Variants in LRRIQ1 observed in about 807,000 individuals in gnomAD.
The protein encoded by LRRIQ1 is leucine rich repeats and IQ motif containing 1.
A neutral mutation model predicts 211.9 loss-of-function variants in LRRIQ1; 210 were observed. The observed-to-expected ratio is 0.99, with a 90% CI of 0.89 to 1.11. The LOEUF (loss-of-function observed/expected upper bound fraction) is 1.11, where lower values mean the gene tolerates loss of function less well. Among genes scored for constraint, LRRIQ1 ranks in the 50% most tolerant of loss-of-function variants. The pLI, the probability that LRRIQ1 is intolerant of heterozygous loss-of-function variation, is 0.00. For missense variants in LRRIQ1, 2,136 were observed against 1,939.5 expected, an observed-to-expected ratio of 1.10 and a Z score of -1.90; for synonymous variants, 699 against 650.1, an observed-to-expected ratio of 1.08 and a Z score of -1.14.
Position 85,124,033 on chromosome 12 carries a change from T to C in LRRIQ1, c.3558-37T>C, listed in dbSNP as rs942475583. 2.0e-6 allele frequency: 3 copies of C among 1,483,082 alleles called. No individual in the cohort carries two copies. The Admixed American group carries it at 5.4e-5, about 27-fold the overall frequency. 91.9% of individuals were successfully genotyped at this position (1,483,082 alleles called of 1,614,324 possible). ...CACAAGTTTTAATATTTGCTGGTACTATTCTTATTAAATGTTCTCATCATT... is the reference window on the plus strand; with the variant it reads ...CACAAGTTTTAATATTTGCTGGTACCATTCTTATTAAATGTTCTCATCATT... On this transcript the variant is annotated intron_variant, in intron 16 of 26. Transcript: ENST00000393217.
At chr12:85,100,630 T>C (rs1431018732) in intron 13 of LRRIQ1, among the ~76,000 whole-genome samples, 1 of 151,736 alleles carries the variant, frequency 6.6e-6, no homozygotes, top group African/African-American at 2.4e-5. Flanking sequence ...ATATGTGATT[T>C]TGACATTTCA....
intron 19 of LRRIQ1, among the ~76,000 whole-genome samples, chr12:85,139,540 A>AT (rs1889370007): frequency 6.6e-6 from 1 of 151,416 alleles, no homozygotes; most frequent in Non-Finnish European, 1.5e-5. Flanking sequence ...ATTGTATGGT[A>AT]TTTTTCAGAA....
intron 24 of LRRIQ1, among the ~76,000 whole-genome samples, chr12:85,193,355 C>A (rs1273065383): frequency 1.6e-5 from 2 of 121,752 alleles, no homozygotes; most frequent in Non-Finnish European, 3.3e-5. Context: ...AGAGCAACTC[C>A]AAGACACATA....
At chr12:85,182,082 A>G (rs1326116068) in intron 24 of LRRIQ1, among the ~76,000 whole-genome samples, 2 of 152,120 alleles carry the variant, frequency 1.3e-5, no homozygotes, top group Non-Finnish European at 2.9e-5. Flanking sequence ...TTTATAATAC[A>G]AATCCCATTG....
At chr12:85,079,814 A>G (rs1448855064) in intron 11 of LRRIQ1, among the ~76,000 whole-genome samples, 2 of 150,932 alleles carry the variant, frequency 1.3e-5, no homozygotes. Flanking sequence ...AAATTATTTC[A>G]TTTTTTCCTC....
In LRRIQ1 at chr12:85,098,433, A is replaced by G. The variant is rs1886083413; in HGVS notation, c.2966A>G (p.Asp989Gly). ...TTAATTAATACAAAAGGTCTTTGTG[A>G]TACACCTACCATTGTATACCTAGAT... Reference protein sequence around the residue: ...NQLINTKGLCDTPTIVYLDCS... With the variant: ...NQLINTKGLCGTPTIVYLDCS... The change falls in exon 12 of 27, where the codon GAT becomes GGT. Residue 989 changes from aspartate (D) to glycine (G), a missense_variant. Asp to Gly is a moderately conservative substitution (Grantham distance 94). Transcript: ENST00000393217. The G allele has an allele frequency of 6.2e-7, 1 of 1,611,040 alleles. No homozygotes were observed. Among genetic ancestry groups the G allele is most frequent in the African/African-American group, 1.3e-5 (1 of 74,978 alleles).
intron 11 of LRRIQ1, among the ~76,000 whole-genome samples, chr12:85,095,897 A>G (rs1347804567): frequency 3.3e-5 from 5 of 152,028 alleles, no homozygotes; most frequent in African/African-American, 1.2e-4. Context: ...TGTGTTTCCA[A>G]GAATTTATCT....
intron 7 of LRRIQ1, among the ~76,000 whole-genome samples, chr12:85,054,222 C>T (rs376246233): frequency 2.0e-5 from 3 of 152,062 alleles, no homozygotes; most frequent in African/African-American, 7.2e-5. Flanking sequence ...CTTTCAAATG[C>T]GATACACAAT....
At chr12:85,183,034 T>G (rs1892060371) in intron 24 of LRRIQ1, among the ~76,000 whole-genome samples, 1 of 152,198 alleles carries the variant, frequency 6.6e-6, no homozygotes, top group Admixed American at 6.6e-5. Context: ...TACATAGTTT[T>G]AATGGCCTAG....
In LRRIQ1 at chr12:85,106,572, T is replaced by C. The variant is rs756811473; in HGVS notation, c.3334T>C (p.Leu1112=). ...WFDACYSLHE[L]SLTGNPLLQE... is the part of the protein sequence containing the mutation. ...TGATGCATGCTATTCTCTCCATGAATTGTCTCTTACTGGAAACCCACTTCT... is the reference window on the plus strand; with the variant it reads ...TGATGCATGCTATTCTCTCCATGAACTGTCTCTTACTGGAAACCCACTTCT... Residue 1112 remains leucine, a synonymous_variant, in exon 15 of 27, where the codon TTG becomes CTG. Transcript: ENST00000393217. 1.3e-4 allele frequency: 211 copies of C among 1,612,856 alleles called. No homozygotes were observed. Among genetic ancestry groups the C allele is most frequent in the Non-Finnish European group, 7.3e-5 (86 of 1,179,442 alleles).
chr12:85,198,056 A>ATTATAT lies in LRRIQ1; in HGVS notation c.4823-31460_4823-31459insTATATT, dbSNP rs1565898747. Among the ~76,000 whole-genome samples, 183 of 42,992 alleles carry ATTATAT rather than the reference A, an allele frequency of 4.3e-3. 2 individuals are homozygous for ATTATAT. In the African/African-American group the frequency reaches 0.064, roughly 15 times the overall value. The allele number at this position is 42,992 out of a possible 152,430, so 28.2% of individuals were successfully genotyped here. A position where few individuals can be genotyped will look rare whatever the true frequency, so the allele number is the denominator to read the frequency against. On this transcript the variant is annotated intron_variant, in intron 24 of 26. Transcript: ENST00000393217. ...AACATATATAATATATTATATAATT[A>ATTATAT]TATATAACATATTATTTATATATAA...
chr12:85,102,798 G>A (rs1592800188), intron 13 of LRRIQ1, among the ~76,000 whole-genome samples: 5 of 151,098 alleles, frequency 3.3e-5, no homozygotes, highest in Non-Finnish European at 5.9e-5. Context: ...ACTGGAGGGA[G>A]AGTATAAAAA....
rs552155078 is a variant in LRRIQ1, at chr12:85,235,615, A to G, written c.5016+2859A>G. 4.4e-4 allele frequency among the ~76,000 whole-genome samples: 67 copies of G among 152,240 alleles called. No individual in the cohort carries two copies. In the South Asian group the frequency reaches 6.4e-3, roughly 15 times the overall value. On this transcript the variant is annotated intron_variant, in intron 26 of 26. Coordinates refer to ENST00000393217, the MANE Select transcript of LRRIQ1 (RefSeq NM_001079910.2). Reference sequence around the variant, plus strand: ...AGCGAAGGATAATTTCCAGAGAGGGATTTGGCTGAGACCCCTCAGGCTGCA... The same window carrying G: ...AGCGAAGGATAATTTCCAGAGAGGGGTTTGGCTGAGACCCCTCAGGCTGCA...
intron 26 of LRRIQ1, among the ~76,000 whole-genome samples, chr12:85,243,772 A>AGAAGGTGGGAGGGGGATGT (rs1287127169): frequency 1.3e-5 from 2 of 151,670 alleles, no homozygotes; most frequent in African/African-American, 4.8e-5. Context: ...AAAAGTAGGA[A>AGAAGGTGGGAGGGGGATGT]GAAGGTGGGA....
chr12:85,198,799 A>G (rs1274320768), intron 24 of LRRIQ1, among the ~76,000 whole-genome samples: 1 of 151,868 alleles, frequency 6.6e-6, no homozygotes, highest in Admixed American at 6.6e-5. Flanking sequence ...TGATTTGCTG[A>G]CCTCGTGATC....
At position 85,040,475 on chromosome 12, in the gene LRRIQ1, T is replaced by G; in HGVS notation, c.133-15T>G. The G allele has an allele frequency of 6.9e-7, 1 of 1,446,884 alleles. No homozygotes were observed. Among genetic ancestry groups the G allele is most frequent in the Non-Finnish European group, 9.5e-7 (1 of 1,057,566 alleles). 89.6% of individuals were successfully genotyped at this position (1,446,884 alleles called of 1,614,324 possible). A position where few individuals can be genotyped will look rare whatever the true frequency, so the allele number is the denominator to read the frequency against. On this transcript the variant is annotated splice_polypyrimidine_tract_variant and intron_variant, in intron 2 of 26. Transcript: ENST00000393217. Reference sequence around the variant, plus strand: ...TAAACACTTTCACAGTTTCTTGTATTATTCAAATTTTTAGGATTCAGTTGA... The same window carrying G: ...TAAACACTTTCACAGTTTCTTGTATGATTCAAATTTTTAGGATTCAGTTGA...
intron 10 of LRRIQ1, among the ~76,000 whole-genome samples, chr12:85,068,167 T>A (rs181939309): frequency 6.6e-6 from 1 of 152,014 alleles, no homozygotes; most frequent in Non-Finnish European, 1.5e-5. Flanking sequence ...GGAACTGGAT[T>A]AAAATTTTAC....
chr12:85,102,846 A>G (rs1473885093), intron 13 of LRRIQ1, among the ~76,000 whole-genome samples: 1 of 149,920 alleles, frequency 6.7e-6, no homozygotes, highest in Non-Finnish European at 1.5e-5. Context: ...ATGCATACTT[A>G]TTTATTTTGT....
At chr12:85,060,186 G>C (rs997961865) in intron 8 of LRRIQ1, among the ~76,000 whole-genome samples, 2 of 151,772 alleles carry the variant, frequency 1.3e-5, no homozygotes, top group African/African-American at 4.8e-5. Context: ...CTTGTCAAAT[G>C]TGGGTCTCAA....
Sources: allele counts gnomAD v4.1 joint callset (sites outside exome capture counted in the v4.1 genomes callset), GRCh38; gene constraint gnomAD v4.1.1; transcripts MANE v1.5; gene names NCBI Gene and HGNC (gene_info 2026-07-23, HGNC 2026-07-21).